Variants in PAWR observed in about 807,000 individuals in gnomAD.
PAWR encodes pro-apoptotic WT1 regulator, also known as PRKC apoptosis WT1 regulator protein.
In PAWR, 23 loss-of-function variants were observed where a neutral mutation model predicts 32.0. The ratio of observed to expected loss-of-function variants is 0.72; its 90% CI spans 0.52 to 1.02. The LOEUF is 1.02. PAWR is among the 50% of genes least tolerant of loss of function. The pLI is 0.00. For synonymous variants in PAWR, 226 were observed against 187.1 expected, an observed-to-expected ratio of 1.21 and a Z score of -1.70; for missense variants, 457 against 437.7, an observed-to-expected ratio of 1.04 and a Z score of -0.39.
At chr12:79,647,708 A>G (rs185518911) in intron 2 of PAWR, among the ~76,000 whole-genome samples, 2 of 152,340 alleles carry the variant, frequency 1.3e-5, no homozygotes, top group East Asian at 3.9e-4. Context: ...GATTCAAGTT[A>G]GATAATTTAC....
At chr12:79,609,988 A>G (rs1874363722) in intron 4 of PAWR, among the ~76,000 whole-genome samples, 1 of 152,132 alleles carries the variant, frequency 6.6e-6, no homozygotes. Context: ...CAGGGTCCAA[A>G]AGCGCTCACC....
At chr12:79,649,947 G>A (rs1161390539) in intron 2 of PAWR, among the ~76,000 whole-genome samples, 1 of 152,162 alleles carries the variant, frequency 6.6e-6, no homozygotes, top group African/African-American at 2.4e-5. Flanking sequence ...CATTAGTTAA[G>A]ATTCTCATAA....
Position 79,689,756 on chromosome 12 carries a change from G to A in PAWR, c.489C>T (p.Thr163=), listed in dbSNP as rs540110284. Residue 163 remains threonine (T), a synonymous_variant, in exon 2 of 7, where the codon ACC becomes ACT. Coordinates refer to ENST00000328827, the MANE Select transcript of PAWR (RefSeq NM_002583.4). ...CTGCGGCAGGGATGTTGACCACGCC[G>A]GTGGAGCGCCGCTTCTCCCGCAGCT... ...KRKLREKRRS[T]GVVNIPAAEC... 9.3e-5 allele frequency: 146 copies of A among 1,576,232 alleles called. No individual in the cohort carries two copies. The highest frequency in any genetic ancestry group is 5.5e-4 in the Middle Eastern group (3 of 5,466).
At chr12:79,614,829 G>C (rs568172374) in intron 3 of PAWR, among the ~76,000 whole-genome samples, 1 of 152,310 alleles carries the variant, frequency 6.6e-6, no homozygotes, top group African/African-American at 2.4e-5. Flanking sequence ...TGGGGAACCA[G>C]TACAGCAAAC....
chr12:79,607,728 CAAAA>C (rs566552836), intron 4 of PAWR, among the ~76,000 whole-genome samples: 1 of 127,052 alleles, frequency 7.9e-6, no homozygotes, highest in African/African-American at 2.7e-5. Context: ...GACCTTGTCT[CAAAA>C]AAAAAAAAAA....
chr12:79,676,147 A>AATG (rs1475116364), intron 2 of PAWR, among the ~76,000 whole-genome samples: 10 of 152,158 alleles, frequency 6.6e-5, no homozygotes, highest in African/African-American at 2.4e-4. Flanking sequence ...TAATAATAAT[A>AATG]ATAGCAGTGA....
At chr12:79,637,354 C>G (rs1310499750) in intron 2 of PAWR, among the ~76,000 whole-genome samples, 1 of 151,944 alleles carries the variant, frequency 6.6e-6, no homozygotes, top group African/African-American at 2.4e-5. Flanking sequence ...ATCAGTAATG[C>G]CACTTCTTTA....
chr12:79,690,276 C>T lies in PAWR; in HGVS notation c.-32G>A, dbSNP rs1402371775. On this transcript the variant is annotated 5_prime_UTR_variant, in exon 2 of 7. Coordinates refer to ENST00000328827, the MANE Select transcript of PAWR (RefSeq NM_002583.4). Reference sequence around the variant, plus strand: ...AAAGGGGCCGGTCGGGCTCTCACCTCAGGCCGCCCACCAGGGCTCCGGCCG... The same window carrying T: ...AAAGGGGCCGGTCGGGCTCTCACCTTAGGCCGCCCACCAGGGCTCCGGCCG... The T allele has an allele frequency of 1.4e-6, 2 of 1,447,538 alleles. No homozygotes were observed. Among genetic ancestry groups the T allele is most frequent in the Non-Finnish European group, 9.1e-7 (1 of 1,103,022 alleles). 89.7% of individuals were successfully genotyped at this position (1,447,538 alleles called of 1,614,324 possible).
Position 79,690,171 on chromosome 12 carries a change from G to A in PAWR, c.74C>T (p.Ala25Val), listed in dbSNP as rs1278796387. The A allele has an allele frequency of 2.0e-6, 3 of 1,529,274 alleles. No individual in the cohort carries two copies. Among genetic ancestry groups the A allele is most frequent in the African/African-American group, 2.8e-5 (2 of 70,714 alleles). 94.7% of individuals were successfully genotyped at this position (1,529,274 alleles called of 1,614,324 possible). The part of the protein sequence containing the change: ...STTDFLEEWK[A>V]KREKMRAKQN... ...CTTGGCGCGCATCTTCTCGCGTTTC[G>A]CCTTCCACTCCTCCAGGAAGTCTGT... The change falls in exon 2 of 7, where the codon GCG becomes GTG. Residue 25 changes from alanine to valine, a missense_variant. Coordinates refer to ENST00000328827, the MANE Select transcript of PAWR (RefSeq NM_002583.4).
At chr12:79,597,063 T>G (rs1453884964) in intron 4 of PAWR, 1 of 153,390 alleles carries the variant, frequency 6.5e-6, no homozygotes, top group African/African-American at 2.4e-5. Context: ...TTATCTTTTT[T>G]TTTTTTTTTT....
chr12:79,607,070 G>A (rs1216076832), intron 4 of PAWR, among the ~76,000 whole-genome samples: 2 of 151,990 alleles, frequency 1.3e-5, no homozygotes, highest in Non-Finnish European at 2.9e-5. Flanking sequence ...AACTAGAAAG[G>A]TCACTGCTAT....
rs1442445853 is a variant in PAWR, at chr12:79,690,029, G to A, written c.216C>T (p.Asn72=). The A allele has an allele frequency of 5.3e-6, 7 of 1,331,194 alleles. No individual in the cohort carries two copies. The highest frequency in any genetic ancestry group is 6.2e-5 in the East Asian group (2 of 32,014). 82.5% of individuals were successfully genotyped at this position (1,331,194 alleles called of 1,614,324 possible). The change falls in exon 2 of 7, where the codon AAC becomes AAT. Residue 72 remains asparagine, a synonymous_variant. Coordinates refer to ENST00000328827, the MANE Select transcript of PAWR (RefSeq NM_002583.4). ...GTGCGGCCGGCGCGCCGCCCGGGAG[G>A]TTGTTGTTGAGCTCGTTGGCAGCGG... ...AAAAANELNN[N]LPGGAPAAPA...
rs747634618 is a variant in PAWR at position 79,664,660 on chromosome 12, G to GA, written c.516+25068_516+25069insT. Among the ~76,000 whole-genome samples, 28 of 149,218 alleles carry GA rather than the reference G, an allele frequency of 1.9e-4. No homozygotes were observed. The South Asian group carries it at 4.6e-3, about 25-fold the overall frequency. Reference sequence around the variant, plus strand: ...TAAGGACAAAGTAGACTCTTTGGCGGGGGGGGGAGGAGAGAGAGAGAGTGG... The same window carrying GA: ...TAAGGACAAAGTAGACTCTTTGGCGGAGGGGGGGAGGAGAGAGAGAGAGTGG... On this transcript the variant is annotated intron_variant, in intron 2 of 6. Transcript: ENST00000328827.
intron 2 of PAWR, among the ~76,000 whole-genome samples, chr12:79,644,684 T>C (rs1266587750): frequency 6.6e-6 from 1 of 152,144 alleles, no homozygotes; most frequent in African/African-American, 2.4e-5. Context: ...CATTTTCACA[T>C]AAAGTAAAAC....
intron 2 of PAWR, among the ~76,000 whole-genome samples, chr12:79,661,005 C>T (rs575293437): frequency 4.6e-5 from 7 of 151,900 alleles, no homozygotes; most frequent in Middle Eastern, 3.4e-3. Flanking sequence ...CAATGACTCA[C>T]GCCTGCAATC....
Position 79,611,992 on chromosome 12 carries a change from A to G in PAWR, c.683+1583T>C, listed in dbSNP as rs183644495. 3.4e-3 allele frequency among the ~76,000 whole-genome samples: 524 copies of G among 152,276 alleles called. 3 individuals carry two copies. The highest frequency in any genetic ancestry group is 0.012 in the African/African-American group (503 of 41,588). ...CTATTACTTGATAAGAACTAAATGT[A>G]TAAGATCAATACAACAAACTTGATA... On this transcript the variant is annotated intron_variant, in intron 4 of 6. Coordinates refer to ENST00000328827, the MANE Select transcript of PAWR (RefSeq NM_002583.4).
In PAWR at chr12:79,621,070, A is replaced by AGGTGG; in HGVS notation, c.648+5_648+6insCCACC. ...TAGTGACTTCCTGGTATTTTTAAAT[A>AGGTGG]CTCACCTGTAGCAGATAGGAACTGC... On this transcript the variant is annotated splice_donor_region_variant and intron_variant, in intron 3 of 6. Transcript: ENST00000328827. 6.3e-7 allele frequency: 1 copy of AGGTGG among 1,584,624 alleles called. No individual in the cohort carries two copies. Among genetic ancestry groups the AGGTGG allele is most frequent in the South Asian group, 1.2e-5 (1 of 86,742 alleles).
At chr12:79,681,224 C>T (rs997423122) in intron 2 of PAWR, among the ~76,000 whole-genome samples, 3 of 151,640 alleles carry the variant, frequency 2.0e-5, no homozygotes, top group Admixed American at 6.6e-5. Context: ...CAAAAAGCCA[C>T]ATAATAAGGC....
At chr12:79,610,435 A>G (rs1874380519) in intron 4 of PAWR, among the ~76,000 whole-genome samples, 1 of 152,212 alleles carries the variant, frequency 6.6e-6, no homozygotes, top group Non-Finnish European at 1.5e-5. Context: ...CTGACCCTGA[A>G]GAAAAAGAAT....
Sources: gnomAD v4.1 joint callset for allele counts (sites outside exome capture counted in the v4.1 genomes callset) on GRCh38, gnomAD v4.1.1 for gene constraint, MANE v1.5 for transcripts, NCBI Gene and HGNC (gene_info 2026-07-23, HGNC 2026-07-21) for gene names.